The following GRID2 variants were observed in gnomAD, a reference collection of about 807,000 sequenced individuals.
GRID2 encodes the protein glutamate receptor ionotropic, delta-2.
A neutral mutation model predicts 114.8 loss-of-function variants in GRID2; 33 were observed. That is an observed-to-expected ratio of 0.29 (90% CI 0.22 to 0.38). GRID2 has a LOEUF of 0.38. Among genes scored for constraint, GRID2 ranks in the 10% least tolerant of loss-of-function variants. The pLI is 1.00. For missense variants in GRID2, 1,184 were observed against 1,257.7 expected (o/e 0.94, Z 0.89); for synonymous variants, 505 against 449.9 (o/e 1.12, Z -1.55).
intron 9 of GRID2, among the ~76,000 whole-genome samples, chr4:93,406,502 C>T (rs76240526): frequency 0.032 from 4,939 of 152,170 alleles, 111 homozygotes; most frequent in Non-Finnish European, 0.052. Context: ...TGAATCTTGC[C>T]TGAGTACTAG....
intron 2 of GRID2, among the ~76,000 whole-genome samples, chr4:93,042,104 C>T (rs947922967): frequency 6.6e-6 from 1 of 151,900 alleles, no homozygotes; most frequent in African/African-American, 2.4e-5. Flanking sequence ...GGGGTTTCAC[C>T]GTGTTAGCCA....
chr4:92,542,211 A>G (rs1299512662), intron 1 of GRID2, among the ~76,000 whole-genome samples: 3 of 152,032 alleles, frequency 2.0e-5, no homozygotes, highest in East Asian at 3.9e-4. Flanking sequence ...TACTTGGGAG[A>G]TGAAGATGGG....
chr4:92,422,171 G>A (rs1042294744), intron 1 of GRID2, among the ~76,000 whole-genome samples: 2 of 152,032 alleles, frequency 1.3e-5, no homozygotes, highest in Admixed American at 6.6e-5. Flanking sequence ...ACCTAAAACA[G>A]ATCAGTACTG....
In GRID2 at chr4:93,607,828, C is replaced by G. The variant is rs144380725; in HGVS notation, c.2194-18441C>G. Among the ~76,000 whole-genome samples, 19 of 152,026 alleles carry G rather than the reference C, an allele frequency of 1.2e-4. 1 individual carries two copies. The East Asian group carries it at 3.5e-3, about 28-fold the overall frequency. On this transcript the variant is annotated intron_variant, in intron 13 of 15. Coordinates refer to ENST00000282020, the MANE Select transcript of GRID2 (RefSeq NM_001510.4). ...TATATATTTGTACTATTTTGCATTGCCTCTTCAGATGCCATCTATTTTTAT... is the reference window on the plus strand; with the variant it reads ...TATATATTTGTACTATTTTGCATTGGCTCTTCAGATGCCATCTATTTTTAT...
chr4:93,371,800 C>T (rs558799209), intron 8 of GRID2, among the ~76,000 whole-genome samples: 92 of 126,374 alleles, frequency 7.3e-4, no homozygotes, highest in African/African-American at 2.4e-3. Context: ...CAGGCTGGAG[C>T]GCAGTGGCAT....
At chr4:92,504,269 G>C (rs1299295173) in intron 1 of GRID2, among the ~76,000 whole-genome samples, 1 of 152,060 alleles carries the variant, frequency 6.6e-6, no homozygotes, top group African/African-American at 2.4e-5. Flanking sequence ...AATCACATGA[G>C]ATGAGATTCT....
intron 10 of GRID2, among the ~76,000 whole-genome samples, chr4:93,431,485 T>G (rs1435404548): frequency 6.6e-6 from 1 of 152,118 alleles, no homozygotes; most frequent in Non-Finnish European, 1.5e-5. Flanking sequence ...GTCAGAACTA[T>G]TTGAGATGTT....
chr4:93,438,000 C>T (rs1721261485), intron 10 of GRID2, among the ~76,000 whole-genome samples: 1 of 151,912 alleles, frequency 6.6e-6, no homozygotes. Flanking sequence ...AGAGAGAGAC[C>T]TTCTTTTTGC....
intron 2 of GRID2, among the ~76,000 whole-genome samples, chr4:92,847,984 A>C (rs1743466750): frequency 6.6e-6 from 1 of 152,048 alleles, no homozygotes; most frequent in African/African-American, 2.4e-5. Flanking sequence ...CCATGTCAAC[A>C]GTCAAAGGAC....
chr4:92,742,924 C>T (rs1010081022), intron 2 of GRID2, among the ~76,000 whole-genome samples: 1 of 152,108 alleles, frequency 6.6e-6, no homozygotes, highest in Non-Finnish European at 1.5e-5. Context: ...TCTTTTATTC[C>T]ACTAGTTCTT....
intron 8 of GRID2, among the ~76,000 whole-genome samples, chr4:93,301,542 T>A (rs937482620): frequency 3.3e-5 from 5 of 152,118 alleles, no homozygotes; most frequent in Admixed American, 3.3e-4. Context: ...AGAAAACAGA[T>A]GTTAATGATG....
chr4:92,728,754 A>G (rs1308783635), intron 2 of GRID2, among the ~76,000 whole-genome samples: 1 of 151,972 alleles, frequency 6.6e-6, no homozygotes, highest in African/African-American at 2.4e-5. Flanking sequence ...GCAAGCAGAG[A>G]AATAGCCTCT....
At chr4:92,459,243 A>G (rs148216356) in intron 1 of GRID2, among the ~76,000 whole-genome samples, 166 of 152,324 alleles carry the variant, frequency 1.1e-3, no homozygotes, top group African/African-American at 3.9e-3. Context: ...AAATAAATCA[A>G]TATTCAAATA....
chr4:93,540,819 A>T (rs1456188228), intron 13 of GRID2, among the ~76,000 whole-genome samples: 1 of 152,180 alleles, frequency 6.6e-6, no homozygotes, highest in Non-Finnish European at 1.5e-5. Flanking sequence ...CTTTTTATGA[A>T]TGCTGTATTT....
At chr4:92,830,576 C>G (rs901676410) in intron 2 of GRID2, among the ~76,000 whole-genome samples, 2 of 152,022 alleles carry the variant, frequency 1.3e-5, no homozygotes, top group African/African-American at 4.8e-5. Flanking sequence ...TTTATCAAAA[C>G]ACATTTTTTA....
chr4:93,136,757 C>T (rs1735291949), intron 4 of GRID2, among the ~76,000 whole-genome samples: 2 of 152,056 alleles, frequency 1.3e-5, no homozygotes, highest in African/African-American at 2.4e-5. Context: ...AACTATAGTA[C>T]TAAGTGAATA....
At chr4:93,393,727 C>T (rs1227742862) in intron 8 of GRID2, among the ~76,000 whole-genome samples, 1 of 151,990 alleles carries the variant, frequency 6.6e-6, no homozygotes, top group Non-Finnish European at 1.5e-5. Context: ...GCTCAGGTTT[C>T]ACTGTTAATC....
chr4:92,917,121 C>T (rs1748873308), intron 2 of GRID2, among the ~76,000 whole-genome samples: 1 of 152,158 alleles, frequency 6.6e-6, no homozygotes, highest in East Asian at 1.9e-4. Context: ...TGATGATGAG[C>T]ATTTTTTCAT....
intron 8 of GRID2, among the ~76,000 whole-genome samples, chr4:93,325,017 T>G (rs190463864): frequency 6.6e-6 from 1 of 152,302 alleles, no homozygotes. Flanking sequence ...TTTGAAGGGT[T>G]TTTTGTGTCT....
Sources: gnomAD v4.1 joint callset for allele counts (sites outside exome capture counted in the v4.1 genomes callset) on GRCh38, gnomAD v4.1.1 for gene constraint, MANE v1.5 for transcripts, NCBI Gene and HGNC (gene_info 2026-07-23, HGNC 2026-07-21) for gene names.